The following C1orf141 variants were observed in gnomAD, a reference collection of about 807,000 sequenced individuals.
The protein encoded by C1orf141 is uncharacterized protein C1orf141.
A neutral mutation model predicts 23.2 loss-of-function variants in C1orf141; 19 were observed. The observed-to-expected ratio is 0.82, with a 90% CI of 0.57 to 1.20. The LOEUF (loss-of-function observed/expected upper bound fraction) is 1.20, where lower values mean the gene tolerates loss of function less well. Ranked by LOEUF, C1orf141 falls within the 50% of genes most tolerant of loss-of-function variation. The pLI, the probability that C1orf141 is intolerant of heterozygous loss-of-function variation, is 0.00. For missense variants in C1orf141, 469 were observed against 455.1 expected (o/e 1.03, Z -0.28); for synonymous variants, 153 against 154.6 (o/e 0.99, Z 0.08).
At chr1:67,125,015 A>C (rs146466010) in intron 4 of C1orf141, among the ~76,000 whole-genome samples, 27 of 152,326 alleles carry the variant, frequency 1.8e-4, no homozygotes, top group African/African-American at 5.3e-4. Context: ...TGCTTGGAAA[A>C]ATTTTATAGC....
intron 4 of C1orf141, among the ~76,000 whole-genome samples, chr1:67,118,019 C>G (rs1570715235): frequency 6.6e-6 from 1 of 152,106 alleles, no homozygotes; most frequent in South Asian, 2.1e-4. Flanking sequence ...AACAAAATGT[C>G]ATAGAGATAA....
At chr1:67,107,552 G>A (rs925290965) in intron 5 of C1orf141, among the ~76,000 whole-genome samples, 6 of 152,100 alleles carry the variant, frequency 3.9e-5, no homozygotes, top group South Asian at 2.1e-4. Flanking sequence ...CTATGTAAAC[G>A]GGATGCATAA....
At chr1:67,106,628 A>G (rs1485386097) in intron 5 of C1orf141, among the ~76,000 whole-genome samples, 1 of 152,236 alleles carries the variant, frequency 6.6e-6, no homozygotes, top group Non-Finnish European at 1.5e-5. Context: ...ACTGCACTCC[A>G]GCCTGGGTGA....
intron 5 of C1orf141, among the ~76,000 whole-genome samples, chr1:67,096,734 T>C (rs1471780668): frequency 1.3e-5 from 2 of 152,248 alleles, no homozygotes; most frequent in Non-Finnish European, 2.9e-5. Flanking sequence ...AAGGTTGATC[T>C]CTTCCAAATA....
chr1:67,092,819 C>T lies in C1orf141; in HGVS notation c.*186G>A, dbSNP rs1645581921. 1 of 419,500 alleles carries T rather than the reference C, an allele frequency of 2.4e-6. No homozygotes were observed. 26.0% of individuals were successfully genotyped at this position (419,500 alleles called of 1,614,324 possible). The stretch of plus-strand genomic sequence containing the variant: ...GTGATAATTATTTCCTAATTTTGTC[C>T]TACTATTTTCTAAAAATGTTGATTG... On this transcript the variant is annotated 3_prime_UTR_variant, in exon 8 of 8. Transcript: ENST00000684719.
chr1:67,114,311 T>C (rs773367194), intron 5 of C1orf141, among the ~76,000 whole-genome samples: 13 of 152,074 alleles, frequency 8.5e-5, no homozygotes, highest in Admixed American at 1.3e-4. Context: ...AAATCTTTTC[T>C]GGAGTAACGT....
intron 6 of C1orf141, 148 bp downstream of exon 6, chr1:67,096,104 T>C (rs1645674366): frequency 2.1e-6 from 1 of 481,256 alleles, no homozygotes; most frequent in Non-Finnish European, 3.7e-6. Flanking sequence ...TGATATCTAG[T>C]GGCTAAGCAG....
At chr1:67,110,336 G>T (rs565306042) in intron 5 of C1orf141, among the ~76,000 whole-genome samples, 51 of 151,962 alleles carry the variant, frequency 3.4e-4, no homozygotes, top group South Asian at 2.1e-4. Context: ...TAGAAGAAAG[G>T]AAAAAAGTAA....
intron 4 of C1orf141, among the ~76,000 whole-genome samples, chr1:67,116,109 A>G (rs944958152): frequency 2.0e-5 from 3 of 152,082 alleles, no homozygotes; most frequent in Non-Finnish European, 4.4e-5. Context: ...TGAACTTCAG[A>G]TTTATATATC....
intron 4 of C1orf141, among the ~76,000 whole-genome samples, chr1:67,119,918 AG>A (rs779465082): frequency 6.6e-6 from 1 of 152,230 alleles, no homozygotes; most frequent in Non-Finnish European, 1.5e-5. Context: ...GCATGTGCTC[AG>A]GGGACAGGGC....
intron 4 of C1orf141, chr1:67,121,460 T>C (rs1646297443): frequency 6.6e-6 from 1 of 152,226 alleles, no homozygotes; most frequent in African/African-American, 2.4e-5. Context: ...TGTCAATTTC[T>C]ACCAATGTGA....
At chr1:67,118,218 C>T (rs1322914756) in intron 4 of C1orf141, among the ~76,000 whole-genome samples, 1 of 152,164 alleles carries the variant, frequency 6.6e-6, no homozygotes, top group Admixed American at 6.5e-5. Context: ...AATACATACT[C>T]TGTATTCTAC....
intron 2 of C1orf141, among the ~76,000 whole-genome samples, chr1:67,129,069 A>G (rs990968433): frequency 1.3e-5 from 2 of 151,826 alleles, no homozygotes; most frequent in African/African-American, 2.4e-5. Flanking sequence ...TTCTTCATGT[A>G]CTGAATGACA....
At position 67,115,391 on chromosome 1, in the gene C1orf141, TA is replaced by T; in HGVS notation, c.306del (p.Phe102LeufsTer6). The T allele has an allele frequency of 6.8e-7, 1 of 1,468,534 alleles. No individual in the cohort carries two copies. The highest frequency in any genetic ancestry group is 9.4e-7 in the Non-Finnish European group (1 of 1,059,836). 91.0% of individuals were successfully genotyped at this position (1,468,534 alleles called of 1,614,324 possible). On this transcript the variant is annotated frameshift_variant, in exon 5 of 8. Coordinates refer to ENST00000684719, the MANE Select transcript of C1orf141 (RefSeq NM_001276351.2). LOFTEE classifies it high-confidence loss of function. ...NFEKSNLRPFFIQTNVKNKES... is the reference protein window; with the variant it reads ...NFEKSNLRPFXIQTNVKNKES... The stretch of plus-strand genomic sequence containing the variant: ...TCTTTATTTTTTACATTTGTTTGAA[TA>T]AAGAATGGTCTTAAATTTGACTTTT...
At chr1:67,097,784 C>T (rs1032804726) in intron 5 of C1orf141, among the ~76,000 whole-genome samples, 3 of 152,058 alleles carry the variant, frequency 2.0e-5, no homozygotes, top group Admixed American at 6.6e-5. Flanking sequence ...TCTAGATGAA[C>T]ATGTTGGTGG....
intron 1 of C1orf141, among the ~76,000 whole-genome samples, chr1:67,133,625 C>T (rs954247973): frequency 3.3e-5 from 5 of 152,162 alleles, no homozygotes; most frequent in African/African-American, 1.2e-4. Flanking sequence ...TTTGGACATA[C>T]AGCATTTAAA....
At chr1:67,138,909 T>C (rs1254289201), upstream of C1orf141, 1 of 152,336 alleles carries the variant, frequency 6.6e-6, no homozygotes, top group African/African-American at 2.4e-5. Flanking sequence ...AGGTGACTAA[T>C]GGGAGGCCAG....
At chr1:67,129,522 G>A (rs1181100929) in intron 2 of C1orf141, among the ~76,000 whole-genome samples, 2 of 152,114 alleles carry the variant, frequency 1.3e-5, no homozygotes, top group African/African-American at 4.8e-5. Flanking sequence ...CAGATAGCCT[G>A]CCTTGTGACG....
chr1:67,112,470 G>A (rs1379896538), intron 5 of C1orf141, among the ~76,000 whole-genome samples: 1 of 152,124 alleles, frequency 6.6e-6, no homozygotes, highest in Admixed American at 6.5e-5. Flanking sequence ...GGGAGGCCAG[G>A]ACAGGTGGAT....
Sources: gnomAD v4.1 joint callset for allele counts (sites outside exome capture counted in the v4.1 genomes callset) on GRCh38, gnomAD v4.1.1 for gene constraint, MANE v1.5 for transcripts, NCBI Gene and HGNC (gene_info 2026-07-23, HGNC 2026-07-21) for gene names.